Variants in LPP observed in about 807,000 individuals in gnomAD.
The protein encoded by LPP is lipoma-preferred partner.
Under a neutral mutation model 60.4 loss-of-function variants are expected in LPP, and 38 were observed. That is an observed-to-expected ratio of 0.63 (90% confidence interval 0.49 to 0.83). The LOEUF is 0.83. Ranked by LOEUF, LPP falls within the 40% of genes least tolerant of loss-of-function variation. The probability of loss-of-function intolerance (pLI) is 0.00; values close to 1 mark genes in which losing one functional copy is unlikely to be tolerated. For synonymous variants in LPP, 328 were observed against 290.8 expected (o/e 1.13, Z -1.30); for missense variants, 902 against 783.6 (o/e 1.15, Z -1.80).
intron 9 of LPP, among the ~76,000 whole-genome samples, chr3:188,794,678 T>C (rs1021403497): frequency 6.6e-6 from 1 of 152,062 alleles, no homozygotes; most frequent in Non-Finnish European, 1.5e-5. Flanking sequence ...AGGGGGTCCT[T>C]GTGCACCTCA....
intron 7 of LPP, among the ~76,000 whole-genome samples, chr3:188,643,658 G>A (rs1405383274): frequency 1.3e-5 from 2 of 152,148 alleles, no homozygotes; most frequent in East Asian, 3.9e-4. Flanking sequence ...GAGTATAAAT[G>A]TGATGTCTCC....
At chr3:188,272,811 A>C (rs1738266007) in intron 2 of LPP, among the ~76,000 whole-genome samples, 1 of 152,230 alleles carries the variant, frequency 6.6e-6, no homozygotes, top group Non-Finnish European at 1.5e-5. Flanking sequence ...TTATATAAAC[A>C]GTAATAATTT....
intron 6 of LPP, among the ~76,000 whole-genome samples, chr3:188,559,439 TA>T (rs1830190737): frequency 6.6e-6 from 1 of 152,118 alleles, no homozygotes; most frequent in Admixed American, 6.6e-5. Context: ...CACATTATGA[TA>T]AGGCAGTAAT....
chr3:188,609,176 A>G lies in LPP; in HGVS notation c.445A>G (p.Thr149Ala), dbSNP rs1441972156. 2.5e-6 allele frequency: 4 copies of G among 1,609,546 alleles called. No individual in the cohort carries two copies. The highest frequency in any genetic ancestry group is 3.4e-6 in the Non-Finnish European group (4 of 1,177,040). Residue 149 changes from threonine to alanine, a missense_variant, in exon 7 of 12, where the codon ACA becomes GCA. Thr to Ala is a moderately conservative substitution (Grantham distance 58). Coordinates refer to ENST00000617246, the MANE Select transcript of LPP (RefSeq NM_001375462.1). This position sits in a 1 kb window ranked among gnomAD's most constrained non-coding sequence, Gnocchi z 6.9. ...TTCTTTTTAGAGCTCCACTGGTTCA[A>G]CAGCCTCTCCTCCAGTTTCGACCCC... is the stretch of plus-strand genomic sequence containing the variant. ...PRPPQSSTGS[T>A]ASPPVSTPVT...
At chr3:188,348,113 G>T (rs1260912903) in intron 3 of LPP, among the ~76,000 whole-genome samples, 1 of 151,946 alleles carries the variant, frequency 6.6e-6, no homozygotes, top group Non-Finnish European at 1.5e-5. Context: ...CAGGTTTGTT[G>T]TCTGTAATAG....
At chr3:188,841,142 G>C (rs1323027506) in intron 9 of LPP, among the ~76,000 whole-genome samples, 1 of 152,132 alleles carries the variant, frequency 6.6e-6, no homozygotes, top group East Asian at 1.9e-4. Flanking sequence ...GTGTTCATGA[G>C]TCCTTGTGAA....
intron 4 of LPP, among the ~76,000 whole-genome samples, chr3:188,438,259 T>C (rs1390748648): frequency 6.6e-6 from 1 of 151,510 alleles, no homozygotes; most frequent in African/African-American, 2.4e-5. Context: ...CTGTGACTAA[T>C]GAAAAAGCCC....
intron 3 of LPP, among the ~76,000 whole-genome samples, chr3:188,356,299 A>G (rs1767596219): frequency 6.6e-6 from 1 of 152,174 alleles, no homozygotes; most frequent in African/African-American, 2.4e-5. Context: ...ATTTTTGGCC[A>G]TGCTACTCAC....
At chr3:188,682,220 A>G (rs996846394) in intron 7 of LPP, among the ~76,000 whole-genome samples, 1 of 152,192 alleles carries the variant, frequency 6.6e-6, no homozygotes, top group Admixed American at 6.5e-5. Flanking sequence ...GGAATTTGCT[A>G]TATTAATAGC....
At chr3:188,452,980 C>T (rs996590902) in intron 4 of LPP, among the ~76,000 whole-genome samples, 2 of 152,148 alleles carry the variant, frequency 1.3e-5, no homozygotes, top group African/African-American at 4.8e-5. Flanking sequence ...CCATACATGA[C>T]CATGGTTCTT....
intron 6 of LPP, among the ~76,000 whole-genome samples, chr3:188,600,800 T>C (rs1840996022): frequency 6.6e-6 from 1 of 151,764 alleles, no homozygotes; most frequent in African/African-American, 2.4e-5. Context: ...TAGAACCATA[T>C]GGTATTTGTT....
intron 6 of LPP, among the ~76,000 whole-genome samples, chr3:188,577,356 T>C (rs1484730675): frequency 2.6e-5 from 4 of 152,152 alleles, no homozygotes; most frequent in Non-Finnish European, 5.9e-5. Context: ...ATCTATATGT[T>C]ATCTGAATTG....
chr3:188,701,651 TG>T (rs1864424840), intron 7 of LPP, among the ~76,000 whole-genome samples: 1 of 152,168 alleles, frequency 6.6e-6, no homozygotes, highest in African/African-American at 2.4e-5. Context: ...AAATGGATTT[TG>T]GTGAGCAGTT....
At chr3:188,360,172 T>C (rs762404565) in intron 3 of LPP, among the ~76,000 whole-genome samples, 7 of 152,196 alleles carry the variant, frequency 4.6e-5, no homozygotes, top group Non-Finnish European at 8.8e-5. Context: ...TACCTTAACT[T>C]TGAAGGAACG....
At chr3:188,653,136 G>A (rs977020144) in intron 7 of LPP, among the ~76,000 whole-genome samples, 2 of 152,184 alleles carry the variant, frequency 1.3e-5, no homozygotes, top group Admixed American at 1.3e-4. Flanking sequence ...AAGCATAGAG[G>A]TTGAGATGGG....
chr3:188,277,138 A>T (rs188028310), intron 2 of LPP, among the ~76,000 whole-genome samples: 2 of 151,954 alleles, frequency 1.3e-5, no homozygotes, highest in Non-Finnish European at 2.9e-5. Context: ...TCCTGACCTC[A>T]AGTGATCCAC....
intron 9 of LPP, among the ~76,000 whole-genome samples, chr3:188,858,533 TA>T (rs980688287): frequency 2.0e-5 from 3 of 152,192 alleles, no homozygotes; most frequent in Non-Finnish European, 2.9e-5. Context: ...ATCCTAACCC[TA>T]GTGCTTAAGA....
intron 3 of LPP, among the ~76,000 whole-genome samples, chr3:188,346,346 G>C (rs372223030): frequency 7.7e-6 from 1 of 130,538 alleles, no homozygotes; most frequent in Admixed American, 9.1e-5. Flanking sequence ...TGCAGCCTCC[G>C]CCTCCCAGGT....
intron 3 of LPP, among the ~76,000 whole-genome samples, chr3:188,346,171 A>C (rs1764292521): frequency 6.6e-6 from 1 of 150,748 alleles, no homozygotes; most frequent in Admixed American, 6.6e-5. Flanking sequence ...TGCAGCTTTC[A>C]GCCTTGTTTT....
Sources: allele counts gnomAD v4.1 joint callset (sites outside exome capture counted in the v4.1 genomes callset), GRCh38; gene constraint gnomAD v4.1.1; non-coding constraint Gnocchi (gnomAD v3.1); transcripts MANE v1.5; gene names NCBI Gene and HGNC (gene_info 2026-07-23, HGNC 2026-07-21).